Variants in KALRN observed in about 807,000 individuals in gnomAD.
The protein encoded by KALRN is kalirin RhoGEF kinase, also known as kalirin.
KALRN carries 70 observed loss-of-function variants against 353.7 expected under a neutral mutation model. The observed-to-expected ratio is 0.20, with a 90% CI of 0.16 to 0.24. The LOEUF (loss-of-function observed/expected upper bound fraction) is 0.24. Among genes scored for constraint, KALRN ranks in the 10% least tolerant of loss-of-function variants. The pLI, the probability that KALRN is intolerant of heterozygous loss-of-function variation, is 1.00. For missense variants in KALRN, 2,791 were observed against 3,756.7 expected (o/e 0.74, Z 6.72); for synonymous variants, 1,391 against 1,434.8 (o/e 0.97, Z 0.69).
chr3:124,500,697 G>C (rs1434426608), intron 33 of KALRN, among the ~76,000 whole-genome samples: 1 of 152,188 alleles, frequency 6.6e-6, no homozygotes, highest in Non-Finnish European at 1.5e-5. Flanking sequence ...CCTTACACCT[G>C]TCTAATGCAA....
chr3:124,277,024 C>T (rs761253269), intron 5 of KALRN, among the ~76,000 whole-genome samples: 21 of 152,234 alleles, frequency 1.4e-4, no homozygotes, highest in Non-Finnish European at 2.6e-4. Context: ...GGCTCCTTGC[C>T]GTGCAGGACA....
intron 37 of KALRN, among the ~76,000 whole-genome samples, chr3:124,641,645 G>T (rs1278896666): frequency 6.6e-6 from 1 of 152,182 alleles, no homozygotes; most frequent in East Asian, 1.9e-4. Context: ...AATTGAGTAG[G>T]CATGAATGGG....
chr3:124,700,566 G>A (rs928464535), intron 56 of KALRN, among the ~76,000 whole-genome samples: 1 of 152,166 alleles, frequency 6.6e-6, no homozygotes, highest in Admixed American at 6.5e-5. Flanking sequence ...TACACATATA[G>A]CTAGCTAAAT....
chr3:124,544,540 G>A (rs1055100648), intron 33 of KALRN, among the ~76,000 whole-genome samples: 3 of 152,122 alleles, frequency 2.0e-5, no homozygotes, highest in Non-Finnish European at 4.4e-5. Context: ...CAGCCTGGGC[G>A]ACAGAGCTCC....
At chr3:124,568,709 G>A in intron 34 of KALRN, among the ~76,000 whole-genome samples, 1 of 152,146 alleles carries the variant, frequency 6.6e-6, no homozygotes, top group South Asian at 2.1e-4. Flanking sequence ...TGAACCTTGA[G>A]GACATTAGGA....
intron 33 of KALRN, among the ~76,000 whole-genome samples, chr3:124,507,652 A>G (rs1159332862): frequency 6.6e-6 from 1 of 152,188 alleles, no homozygotes; most frequent in Admixed American, 6.5e-5. Context: ...CTGAGTTCAC[A>G]CCCCAATTGA....
intron 34 of KALRN, among the ~76,000 whole-genome samples, chr3:124,611,363 G>A (rs2077949013): frequency 6.6e-6 from 1 of 152,192 alleles, no homozygotes; most frequent in Non-Finnish European, 1.5e-5. Flanking sequence ...TTGTTGGTGT[G>A]GGAAATATGA....
At chr3:124,620,113 G>T (rs333314) in intron 34 of KALRN, among the ~76,000 whole-genome samples, 109,753 of 151,970 alleles carry the variant, frequency 0.72, 40,210 homozygotes, top group East Asian at 0.87. Flanking sequence ...TTTGGTTTTG[G>T]TTTTGAGACA....
At position 124,724,512 on chromosome 3, in the gene KALRN, A is replaced by G. The variant is rs1028946712; in HGVS notation, c.*5042A>G. ...GATTTGATGATGAATGATTAAACCC[A>G]TGGTGGGCTTAGAGACGACAGAGCT... On this transcript the variant is annotated 3_prime_UTR_variant, in exon 60 of 60. Coordinates refer to ENST00000682506, the MANE Select transcript of KALRN (RefSeq NM_001388419.1). 2 of 152,190 alleles carry G rather than the reference A, an allele frequency of 1.3e-5. No individual in the cohort carries two copies. The highest frequency in any genetic ancestry group is 4.8e-5 in the African/African-American group (2 of 41,446). 9.4% of individuals were successfully genotyped at this position (152,190 alleles called of 1,614,324 possible).
rs1454247107 is a variant in KALRN, at chr3:124,721,320, A to G, written c.*1850A>G. On this transcript the variant is annotated 3_prime_UTR_variant, in exon 60 of 60. Coordinates refer to ENST00000682506, the MANE Select transcript of KALRN (RefSeq NM_001388419.1). ...AGTATTTTTGGGATTAACCAAATAT[A>G]TGGAAACCGACTCCGACTGTATTTG... The G allele has an allele frequency of 6.6e-6, 1 of 152,242 alleles. No homozygotes were observed. Among genetic ancestry groups the G allele is most frequent in the Non-Finnish European group, 1.5e-5 (1 of 68,040 alleles). The allele number at this position is 152,242 out of a possible 1,614,324, so 9.4% of individuals were successfully genotyped here. A position where few individuals can be genotyped will look rare whatever the true frequency, so the allele number is the denominator to read the frequency against.
At chr3:124,489,324 A>C (rs1230332035) in intron 29 of KALRN, among the ~76,000 whole-genome samples, 2 of 150,936 alleles carry the variant, frequency 1.3e-5, no homozygotes, top group Non-Finnish European at 2.9e-5. Context: ...AAAAACAAAC[A>C]AACAAAAAGA....
At chr3:124,527,470 G>T (rs577475025) in intron 33 of KALRN, among the ~76,000 whole-genome samples, 2 of 151,874 alleles carry the variant, frequency 1.3e-5, no homozygotes, top group Admixed American at 1.3e-4. Flanking sequence ...TTAGCCAGAT[G>T]TGGTGGCACA....
chr3:124,679,541 A>G, intron 51 of KALRN, 24 bp downstream of exon 51: 5 of 1,588,844 alleles, frequency 3.1e-6, no homozygotes, highest in South Asian at 1.1e-5. Flanking sequence ...TTGTTGTCCT[A>G]TTTCCTACAA....
chr3:124,656,640 CAAAAA>C (rs56184947), intron 39 of KALRN, among the ~76,000 whole-genome samples: 37,256 of 151,626 alleles, frequency 0.25, 4,716 homozygotes, highest in East Asian at 0.41. Flanking sequence ...AAAAATAAAA[CAAAAA>C]AATAAAAATT....
intron 54 of KALRN, 77 bp downstream of exon 54, chr3:124,696,332 A>C (rs1160682554): frequency 3.5e-6 from 5 of 1,427,144 alleles, no homozygotes; most frequent in Non-Finnish European, 3.8e-6. Flanking sequence ...CTGCCCAGGC[A>C]TGATCTCTGT....
chr3:124,334,807 T>C lies in KALRN; in HGVS notation c.1647+312T>C, dbSNP rs1009378047. 3.3e-5 allele frequency among the ~76,000 whole-genome samples: 5 copies of C among 152,184 alleles called. No homozygotes were observed. Among genetic ancestry groups the C allele is most frequent in the African/African-American group, 1.2e-4 (5 of 41,454 alleles). ...ACATTTTTCTTTTGTTTTGTTTTGT[T>C]TTTTGGAAACAGAGTCTCGCTCTGC... is the stretch of plus-strand genomic sequence containing the variant. On this transcript the variant is annotated intron_variant, in intron 9 of 59. Coordinates refer to ENST00000682506, the MANE Select transcript of KALRN (RefSeq NM_001388419.1). This position sits in a 1 kb window ranked among gnomAD's most constrained non-coding sequence, Gnocchi z 4.2.
At chr3:124,604,453 A>G (rs1224377875) in intron 34 of KALRN, among the ~76,000 whole-genome samples, 1 of 152,170 alleles carries the variant, frequency 6.6e-6, no homozygotes, top group Non-Finnish European at 1.5e-5. Flanking sequence ...TTGTGATCAT[A>G]GAATTGAAAG....
In KALRN at chr3:124,343,929, C is replaced by T. The variant is rs569698738; in HGVS notation, c.1648-3214C>T. On this transcript the variant is annotated intron_variant, in intron 9 of 59. Coordinates refer to ENST00000682506, the MANE Select transcript of KALRN (RefSeq NM_001388419.1). Reference sequence around the variant, plus strand: ...ACAATAAGACTATTAAATAAATGTCCGAATATGTGAATACTTATATACCCA... The same window carrying T: ...ACAATAAGACTATTAAATAAATGTCTGAATATGTGAATACTTATATACCCA... 5.3e-5 allele frequency among the ~76,000 whole-genome samples: 8 copies of T among 152,218 alleles called. No homozygotes were observed. In the South Asian group the frequency reaches 1.0e-3, roughly 20 times the overall value.
rs769328981 is a variant in KALRN, at chr3:124,671,886, C to T, written c.6930C>T (p.Phe2310=). Residue 2310 remains phenylalanine, a synonymous_variant, in exon 48 of 60, where the codon TTC becomes TTT. Transcript: ENST00000682506. ...AATACCACCAGCCTGGGGACAAGTT[C>T]GAAGCCAGCAAGGTAAGTGACAACT... ...GFEYHQPGDK[F]EASKNDLGGC... 14 of 1,612,312 alleles carry T rather than the reference C, an allele frequency of 8.7e-6. No homozygotes were observed. Among genetic ancestry groups the T allele is most frequent in the East Asian group, 4.5e-5 (2 of 44,880 alleles).
Sources: gnomAD v4.1 joint callset for allele counts (sites outside exome capture counted in the v4.1 genomes callset) on GRCh38, gnomAD v4.1.1 for gene constraint, Gnocchi (gnomAD v3.1) non-coding constraint, MANE v1.5 for transcripts, NCBI Gene and HGNC (gene_info 2026-07-23, HGNC 2026-07-21) for gene names.